Variants in SLC19A3 observed in about 807,000 individuals in gnomAD.
SLC19A3 encodes the protein solute carrier family 19 member 3.
A neutral mutation model predicts 40.2 loss-of-function variants in SLC19A3; 31 were observed. That is an observed-to-expected ratio of 0.77 (90% CI 0.58 to 1.04). The LOEUF is 1.04. SLC19A3 is among the 50% of genes least tolerant of loss of function. The pLI is 0.00. For missense variants in SLC19A3, 592 were observed against 596.7 expected, an observed-to-expected ratio of 0.99 and a Z score of 0.08; for synonymous variants, 212 against 227.5, an observed-to-expected ratio of 0.93 and a Z score of 0.61.
intron 1 of SLC19A3, among the ~76,000 whole-genome samples, chr2:227,713,475 TG>T (rs2106343640): frequency 9.0e-6 from 1 of 110,806 alleles, no homozygotes; most frequent in East Asian, 2.0e-4. Context: ...TCTGTGCTCA[TG>T]AATGAATTAG....
chr2:227,715,253 C>T (rs1008159780), intron 1 of SLC19A3, among the ~76,000 whole-genome samples: 2 of 148,028 alleles, frequency 1.4e-5, no homozygotes, highest in African/African-American at 4.8e-5. Flanking sequence ...ACCCCACACC[C>T]CCCCCAAAAA....
rs529451710 is a variant in SLC19A3, at chr2:227,699,719, T to C, written c.151-155A>G. ...TTTTCAAGGAAATCACAAGAAAAGA[T>C]AGTCTCCTTTCCCATTGGTAAAAAC... On this transcript the variant is annotated intron_variant, in intron 2 of 5. Coordinates refer to ENST00000644224, the MANE Select transcript of SLC19A3 (RefSeq NM_025243.4). Among the ~76,000 whole-genome samples, 187 of 152,274 alleles carry C rather than the reference T, an allele frequency of 1.2e-3. 2 individuals carry two copies. The highest frequency in any genetic ancestry group is 2.2e-3 in the Non-Finnish European group (150 of 68,018).
At chr2:227,693,759 CT>C (rs1695320481) in intron 4 of SLC19A3, among the ~76,000 whole-genome samples, 2 of 152,200 alleles carry the variant, frequency 1.3e-5, no homozygotes, top group East Asian at 3.9e-4. Context: ...AGTTAAAAAG[CT>C]CCTGCACAGC....
At position 227,696,261 on chromosome 2, in the gene SLC19A3, C is replaced by T. The variant is rs530608811; in HGVS notation, c.980-180G>A. On this transcript the variant is annotated intron_variant, in intron 3 of 5. Coordinates refer to ENST00000644224, the MANE Select transcript of SLC19A3 (RefSeq NM_025243.4). ...TTTTCTCAAGCGTGTCTTCTTTTGG[C>T]TTTTCTTTTCACTTGCTATTCTTTC... Among the ~76,000 whole-genome samples the T allele has an allele frequency of 3.3e-5, 5 of 152,282 alleles. No homozygotes were observed. The South Asian group carries it at 6.2e-4, about 19-fold the overall frequency.
intron 4 of SLC19A3, among the ~76,000 whole-genome samples, chr2:227,691,250 C>G (rs1410049448): frequency 6.6e-6 from 1 of 152,124 alleles, no homozygotes; most frequent in East Asian, 1.9e-4. Context: ...CATGCCAAAA[C>G]CTATAGGACA....
chr2:227,687,225 T>G lies in SLC19A3; in HGVS notation c.*172A>C. Reference sequence around the variant, plus strand: ...TGTCAATTGCATCCAGTAAAATTGGTCACATAGAGAACTCATCTAAAACTG... The same window carrying G: ...TGTCAATTGCATCCAGTAAAATTGGGCACATAGAGAACTCATCTAAAACTG... On this transcript the variant is annotated 3_prime_UTR_variant, in exon 6 of 6. Transcript: ENST00000644224. 1.6e-6 allele frequency: 1 copy of G among 612,148 alleles called. No homozygotes were observed. The highest frequency in any genetic ancestry group is 2.8e-6 in the Non-Finnish European group (1 of 363,004). 37.9% of individuals were successfully genotyped at this position (612,148 alleles called of 1,614,324 possible). A position where few individuals can be genotyped will look rare whatever the true frequency, so the allele number is the denominator to read the frequency against.
In SLC19A3 at chr2:227,696,643, A is replaced by G. The variant is rs1209253255; in HGVS notation, c.980-562T>C. ...TCCAATCTCCACTCTAAAGTCTTCA[A>G]CATCTGACATAATTTACTTGAGAAG... On this transcript the variant is annotated intron_variant, in intron 3 of 5. Transcript: ENST00000644224. Among the ~76,000 whole-genome samples, 3 of 152,356 alleles carry G rather than the reference A, an allele frequency of 2.0e-5. No individual in the cohort carries two copies. In the East Asian group the frequency reaches 5.8e-4, roughly 29 times the overall value.
Position 227,698,760 on chromosome 2 carries a change from C to T in SLC19A3, c.955G>A (p.Val319Ile), listed in dbSNP as rs372511010. ...CCTCCAAAGGTTGCAATAGCTTCTA[C>T]GGCCCCATTATAGATGGAAGAATCT... ...SQDSSIYNGA[V>I]EAIATFGGAV... Residue 319 changes from valine (V) to isoleucine (I), a missense_variant, in exon 3 of 6, where the codon GTA becomes ATA. Coordinates refer to ENST00000644224, the MANE Select transcript of SLC19A3 (RefSeq NM_025243.4). The T allele has an allele frequency of 3.1e-6, 5 of 1,613,696 alleles. No individual in the cohort carries two copies. In the East Asian group the frequency reaches 6.7e-5, roughly 22 times the overall value.
Position 227,707,589 on chromosome 2 carries a change from T to A in SLC19A3, c.-2-5269A>T, listed in dbSNP as rs183622003. 1.5e-3 allele frequency among the ~76,000 whole-genome samples: 222 copies of A among 150,624 alleles called. 1 individual carries two copies. The highest frequency in any genetic ancestry group is 5.3e-3 in the African/African-American group (216 of 41,114). ...GGAGCAAGACCCTGTTCTCAAAAAATATACAATAAAATAAAATATAATAAA... is the reference window on the plus strand; with the variant it reads ...GGAGCAAGACCCTGTTCTCAAAAAAAATACAATAAAATAAAATATAATAAA... On this transcript the variant is annotated intron_variant, in intron 1 of 5. Transcript: ENST00000644224.
chr2:227,703,556 A>T lies in SLC19A3; in HGVS notation c.-2-1236T>A, dbSNP rs1336309463. ...ATTACAGCATCAGTGAGCAATGCTG[A>T]CAATGTGAAAATTTTGCCAAAGGCA... On this transcript the variant is annotated intron_variant, in intron 1 of 5. Coordinates refer to ENST00000644224, the MANE Select transcript of SLC19A3 (RefSeq NM_025243.4). The surrounding 1 kb of genome is among the most constrained non-coding windows in gnomAD (Gnocchi z 4.7). Among the ~76,000 whole-genome samples the T allele has an allele frequency of 2.0e-5, 3 of 152,236 alleles. No individual in the cohort carries two copies. Among genetic ancestry groups the T allele is most frequent in the Admixed American group, 2.0e-4 (3 of 15,284 alleles).
chr2:227,703,499 A>C lies in SLC19A3; in HGVS notation c.-2-1179T>G, dbSNP rs557206376. 3.3e-5 allele frequency among the ~76,000 whole-genome samples: 5 copies of C among 152,222 alleles called. No individual in the cohort carries two copies. The highest frequency in any genetic ancestry group is 5.9e-5 in the Non-Finnish European group (4 of 68,038). On this transcript the variant is annotated intron_variant, in intron 1 of 5. Coordinates refer to ENST00000644224, the MANE Select transcript of SLC19A3 (RefSeq NM_025243.4). This position sits in a 1 kb window ranked among gnomAD's most constrained non-coding sequence, Gnocchi z 4.7. ...AACAAAGCCCTTGATTAAGCAGTGGAGAGACAAGAGCGATCAGATTTTGAA... is the reference window on the plus strand; with the variant it reads ...AACAAAGCCCTTGATTAAGCAGTGGCGAGACAAGAGCGATCAGATTTTGAA...
chr2:227,693,978 A>G (rs1050415662), intron 4 of SLC19A3, among the ~76,000 whole-genome samples: 4 of 152,230 alleles, frequency 2.6e-5, no homozygotes, highest in Non-Finnish European at 5.9e-5. Context: ...GGTGCTCAAC[A>G]TCATTGATAA....
intron 1 of SLC19A3, chr2:227,706,374 T>C (rs1574572677): frequency 1.6e-6 from 2 of 1,231,476 alleles, no homozygotes; most frequent in East Asian, 6.3e-5. Context: ...AATCACAAGA[T>C]AGTCCTTTTA....
At chr2:227,705,467 T>C (rs987202239) in intron 1 of SLC19A3, among the ~76,000 whole-genome samples, 2 of 151,898 alleles carry the variant, frequency 1.3e-5, no homozygotes, top group Admixed American at 6.6e-5. Flanking sequence ...CATGTTCATG[T>C]ATCTTTATAA....
intron 1 of SLC19A3, among the ~76,000 whole-genome samples, chr2:227,707,192 A>G (rs1273693627): frequency 6.6e-6 from 1 of 152,214 alleles, no homozygotes; most frequent in Non-Finnish European, 1.5e-5. Flanking sequence ...TCCAGCCAAC[A>G]TCTTTGACTT....
At chr2:227,711,801 G>C (rs1376411193) in intron 1 of SLC19A3, among the ~76,000 whole-genome samples, 2 of 152,036 alleles carry the variant, frequency 1.3e-5, no homozygotes, top group African/African-American at 4.8e-5. Flanking sequence ...TATAGTCCCA[G>C]CATTTTGGGA....
intron 3 of SLC19A3, among the ~76,000 whole-genome samples, chr2:227,697,878 C>A (rs1235592128): frequency 2.0e-5 from 3 of 151,804 alleles, no homozygotes; most frequent in African/African-American, 7.3e-5. Flanking sequence ...GAGATTGAGA[C>A]CATCCTGGGC....
At position 227,699,258 on chromosome 2, in the gene SLC19A3, C is replaced by A. The variant is rs759400157; in HGVS notation, c.457G>T (p.Ala153Ser). 1 of 1,614,108 alleles carries A rather than the reference C, an allele frequency of 6.2e-7. No homozygotes were observed. The highest frequency in any genetic ancestry group is 8.5e-7 in the Non-Finnish European group (1 of 1,179,956). ...CRSVTLAAYT[A>S]GSVLAQLLVS... ...AAGAGTTGAGCCAGCACCGACCCTG[C>A]TGTGTAGGCGGCCAGCGTGACGCTC... The change falls in exon 3 of 6, where the codon GCA becomes TCA. Residue 153 changes from alanine to serine, a missense_variant. Ala to Ser is a moderately conservative substitution (Grantham distance 99). Transcript: ENST00000644224.
chr2:227,713,469 TGCTCATGAATGAATTA>T (rs1409879341), intron 1 of SLC19A3, among the ~76,000 whole-genome samples: 3 of 148,632 alleles, frequency 2.0e-5, no homozygotes, highest in South Asian at 2.1e-4. Flanking sequence ...AAGGGCTCTG[TGCTCATGAATGAATTA>T]GCTCATTCAT....
Sources: gnomAD v4.1 joint callset for allele counts (sites outside exome capture counted in the v4.1 genomes callset) on GRCh38, gnomAD v4.1.1 for gene constraint, Gnocchi (gnomAD v3.1) non-coding constraint, MANE v1.5 for transcripts, NCBI Gene and HGNC (gene_info 2026-07-23, HGNC 2026-07-21) for gene names.